WDPCP: variants seen among roughly 807,000 people sequenced by gnomAD.
WDPCP encodes WD repeat-containing and planar cell polarity effector protein fritz homolog.
Under a neutral mutation model 93.1 loss-of-function variants are expected in WDPCP, and 71 were observed. That is an observed-to-expected ratio of 0.76 (90% CI 0.63 to 0.93). The LOEUF is 0.93. WDPCP is among the 40% of genes least tolerant of loss of function. The probability of loss-of-function intolerance (pLI) is 0.00; values close to 1 mark genes in which losing one functional copy is unlikely to be tolerated. For synonymous variants in WDPCP, 315 were observed against 315.0 expected (o/e 1.00, Z 0.00); for missense variants, 844 against 887.4 (o/e 0.95, Z 0.62).
chr2:63,313,143 C>T, intron 13 of WDPCP, 105 bp downstream of exon 13: 7 of 1,042,424 alleles, frequency 6.7e-6, no homozygotes, highest in Non-Finnish European at 1.0e-5. Flanking sequence ...CTTTCCCACC[C>T]TGTGTCTAAG....
At chr2:63,141,986 T>C (rs1671092508) in intron 17 of WDPCP, among the ~76,000 whole-genome samples, 1 of 152,172 alleles carries the variant, frequency 6.6e-6, no homozygotes, top group African/African-American at 2.4e-5. Context: ...TAATATCTCC[T>C]GTTTCGTTTC....
At chr2:63,265,664 G>A (rs1487670219) in intron 13 of WDPCP, among the ~76,000 whole-genome samples, 1 of 152,118 alleles carries the variant, frequency 6.6e-6, no homozygotes. Flanking sequence ...CTCACTGTGA[G>A]GCCAGCATTA....
chr2:63,341,963 G>T (rs764461797), intron 12 of WDPCP, among the ~76,000 whole-genome samples: 2 of 152,060 alleles, frequency 1.3e-5, no homozygotes, highest in Admixed American at 6.5e-5. Flanking sequence ...ATATATGGTT[G>T]GATCATGTTA....
chr2:63,516,434 C>T (rs1454897501), intron 1 of WDPCP, among the ~76,000 whole-genome samples: 1 of 152,118 alleles, frequency 6.6e-6, no homozygotes, highest in Non-Finnish European at 1.5e-5. Flanking sequence ...GACTACTTTG[C>T]CTCATGATGG....
At chr2:63,178,946 T>C (rs1050171026) in intron 14 of WDPCP, among the ~76,000 whole-genome samples, 1 of 152,106 alleles carries the variant, frequency 6.6e-6, no homozygotes, top group African/African-American at 2.4e-5. Context: ...TAATCCCCAG[T>C]GTTGGAGGTG....
chr2:63,311,981 G>T (rs1430262773), intron 13 of WDPCP, among the ~76,000 whole-genome samples: 1 of 152,040 alleles, frequency 6.6e-6, no homozygotes, highest in Non-Finnish European at 1.5e-5. Flanking sequence ...AAGGTGAAAA[G>T]GTGGAGATAA....
chr2:63,179,512 T>C (rs1374670547), intron 14 of WDPCP, among the ~76,000 whole-genome samples: 1 of 151,888 alleles, frequency 6.6e-6, no homozygotes, highest in Non-Finnish European at 1.5e-5. Flanking sequence ...CAGCCTTCCC[T>C]TGCTCTTCCC....
intron 1 of WDPCP, among the ~76,000 whole-genome samples, chr2:63,529,514 C>T (rs1314148545): frequency 1.3e-5 from 2 of 152,110 alleles, no homozygotes; most frequent in African/African-American, 2.4e-5. Context: ...TGATGGATTA[C>T]GGTTACTGAT....
chr2:63,128,343 A>C (rs1052078228), intron 17 of WDPCP, among the ~76,000 whole-genome samples: 3 of 152,258 alleles, frequency 2.0e-5, no homozygotes, highest in Admixed American at 2.0e-4. Context: ...TTACCTATTA[A>C]AGTTTAAAAG....
rs551946578 is a variant in WDPCP at position 63,653,955 on chromosome 2, G to A, written n.309-3117C>T. Among the ~76,000 whole-genome samples, 46 of 150,710 alleles carry A rather than the reference G, an allele frequency of 3.1e-4. No homozygotes were observed. In the Middle Eastern group the frequency reaches 0.01, roughly 34 times the overall value. ...TAGACATGCAAAGACACAAGAAAGT[G>A]TGGCTCATAACCCAGAGAAAAATCA... On this transcript the variant is annotated intron_variant and non_coding_transcript_variant, in intron 2 of 4. Transcript: ENST00000467687.
At chr2:63,174,896 G>GT (rs1673689270) in intron 14 of WDPCP, 64 bp from the exon 15 acceptor site, 1 of 1,547,230 alleles carries the variant, frequency 6.5e-7, no homozygotes, top group Middle Eastern at 2.0e-4. Context: ...TCCCTTATAA[G>GT]TAAGATTACA....
chr2:63,199,149 G>A lies in WDPCP; in HGVS notation c.1916-24317C>T, dbSNP rs945286365. Reference sequence around the variant, plus strand: ...GGCCCAGCTGCTTCTAACAATGTGCGGTCATATGAGTGAGTAGAGATGATC... The same window carrying A: ...GGCCCAGCTGCTTCTAACAATGTGCAGTCATATGAGTGAGTAGAGATGATC... On this transcript the variant is annotated intron_variant, in intron 14 of 17. Transcript: ENST00000272321. 3.9e-5 allele frequency among the ~76,000 whole-genome samples: 6 copies of A among 152,104 alleles called. No individual in the cohort carries two copies. The South Asian group carries it at 6.2e-4, about 16-fold the overall frequency.
At chr2:63,717,326 A>T (rs1669353224) in intron 2 of WDPCP, 1 of 516,320 alleles carries the variant, frequency 1.9e-6, no homozygotes, top group East Asian at 5.0e-5. Flanking sequence ...GTGAACATGA[A>T]AAATGATGGC....
At chr2:63,378,152 G>C in intron 12 of WDPCP, 1 of 524,852 alleles carries the variant, frequency 1.9e-6, no homozygotes, top group Admixed American at 3.2e-5. Context: ...TCATATTAAA[G>C]AGGAAGGTAT....
intron 3 of WDPCP, among the ~76,000 whole-genome samples, chr2:63,621,792 A>G (rs1184601929): frequency 2.0e-5 from 3 of 152,230 alleles, no homozygotes; most frequent in Non-Finnish European, 4.4e-5. Flanking sequence ...CGGGTTACCC[A>G]AAAGGGAAGC....
At chr2:63,520,955 G>A (rs1043153157) in intron 1 of WDPCP, among the ~76,000 whole-genome samples, 26 of 147,870 alleles carry the variant, frequency 1.8e-4, no homozygotes, top group Non-Finnish European at 4.5e-5. Context: ...GCCAAACTAA[G>A]TTTGATACTC....
intron 1 of WDPCP, among the ~76,000 whole-genome samples, chr2:63,815,923 C>T (rs1476870932): frequency 1.3e-5 from 2 of 150,984 alleles, no homozygotes; most frequent in African/African-American, 4.9e-5. Flanking sequence ...TAATCAGGTA[C>T]TCCTGATATT....
At chr2:63,773,195 CACA>C (rs1670255100) in intron 2 of WDPCP, among the ~76,000 whole-genome samples, 1 of 151,778 alleles carries the variant, frequency 6.6e-6, no homozygotes, top group Admixed American at 6.6e-5. Context: ...TCCAAATGCC[CACA>C]ACAGTATAAT....
chr2:63,494,284 T>TGACGAC (rs1381622171), intron 1 of WDPCP, among the ~76,000 whole-genome samples: 66 of 37,624 alleles, frequency 1.8e-3, no homozygotes, highest in African/African-American at 0.01. Flanking sequence ...ATGATGATGA[T>TGACGAC]GATGACGACG....
Sources: allele counts gnomAD v4.1 joint callset (sites outside exome capture counted in the v4.1 genomes callset), GRCh38; gene constraint gnomAD v4.1.1; transcripts MANE v1.5; gene names NCBI Gene and HGNC (gene_info 2026-07-23, HGNC 2026-07-21).